Variants in SLCO5A1 observed in about 807,000 individuals in gnomAD.
SLCO5A1 encodes the protein solute carrier organic anion transporter family member 5A1.
Under a neutral mutation model 65.1 loss-of-function variants are expected in SLCO5A1, and 39 were observed. That is an observed-to-expected ratio of 0.60 (90% CI 0.46 to 0.78). The LOEUF (loss-of-function observed/expected upper bound fraction) is 0.78, where lower values mean the gene tolerates loss of function less well. Among genes scored for constraint, SLCO5A1 ranks in the 30% least tolerant of loss-of-function variants. The probability of loss-of-function intolerance (pLI) is 0.00; values close to 1 mark genes in which losing one functional copy is unlikely to be tolerated. For synonymous variants in SLCO5A1, 438 were observed against 415.7 expected, an observed-to-expected ratio of 1.05 and a Z score of -0.65; for missense variants, 1,029 against 1,069.4, an observed-to-expected ratio of 0.96 and a Z score of 0.53.
chr8:69,686,231 C>CAAAAAAAAAAAAAAAAAAAAA (rs3060023), intron 6 of SLCO5A1, among the ~76,000 whole-genome samples: 1 of 141,694 alleles, frequency 7.1e-6, no homozygotes. Context: ...CTTCACACAG[C>CAAAAAAAAAAAAAAAAAAAAA]AAAAAAAAGA....
At chr8:69,692,263 T>C (rs995317766) in intron 6 of SLCO5A1, among the ~76,000 whole-genome samples, 2 of 151,958 alleles carry the variant, frequency 1.3e-5, no homozygotes, top group Non-Finnish European at 2.9e-5. Flanking sequence ...AATAAAAAAG[T>C]ATAAAAAATA....
chr8:69,798,650 C>T (rs1002099357), intron 2 of SLCO5A1, among the ~76,000 whole-genome samples: 2 of 152,202 alleles, frequency 1.3e-5, no homozygotes, highest in African/African-American at 4.8e-5. Flanking sequence ...CAAGCTCCAC[C>T]TCCAACACTG....
At position 69,817,831 on chromosome 8, in the gene SLCO5A1, T is replaced by C. The variant is rs2130916947; in HGVS notation, c.907+13936A>G. The stretch of plus-strand genomic sequence containing the variant: ...CATTTGTCTGTCACCAAACTCCCAA[T>C]TCACTGCTAACATTTCTAGATTGTC... On this transcript the variant is annotated intron_variant, in intron 2 of 9. Transcript: ENST00000260126. Among the ~76,000 whole-genome samples the C allele has an allele frequency of 2.6e-5, 4 of 152,316 alleles. No individual in the cohort carries two copies. The South Asian group carries it at 8.3e-4, about 32-fold the overall frequency.
intron 7 of SLCO5A1, among the ~76,000 whole-genome samples, chr8:69,681,099 T>C (rs1232472971): frequency 6.6e-6 from 1 of 151,978 alleles, no homozygotes; most frequent in Non-Finnish European, 1.5e-5. Flanking sequence ...ACCAATTATA[T>C]AATGGGGAAC....
chr8:69,770,303 A>T (rs1818263165), intron 2 of SLCO5A1, among the ~76,000 whole-genome samples: 1 of 152,148 alleles, frequency 6.6e-6, no homozygotes, highest in Non-Finnish European at 1.5e-5. Flanking sequence ...GCTGCAAAGA[A>T]CCAGATCCCG....
At chr8:69,699,806 CA>C (rs1242849073) in intron 6 of SLCO5A1, among the ~76,000 whole-genome samples, 1 of 152,180 alleles carries the variant, frequency 6.6e-6, no homozygotes, top group Non-Finnish European at 1.5e-5. Context: ...TTCTGAAATC[CA>C]GCAAGAATTT....
intron 5 of SLCO5A1, among the ~76,000 whole-genome samples, chr8:69,716,771 C>T (rs1327066923): frequency 7.1e-6 from 1 of 141,254 alleles, no homozygotes; most frequent in African/African-American, 2.7e-5. Flanking sequence ...ATTCTGCAAG[C>T]TGTGTTTTTC....
In SLCO5A1 at chr8:69,819,957, C is replaced by T. The variant is rs151189570; in HGVS notation, c.907+11810G>A. Among the ~76,000 whole-genome samples the T allele has an allele frequency of 1.5e-3, 225 of 152,224 alleles. 1 individual carries two copies. Among genetic ancestry groups the T allele is most frequent in the Non-Finnish European group, 2.8e-3 (191 of 68,008 alleles). Reference sequence around the variant, plus strand: ...CAGCCTGGGTGGCAGAGCAAGACTCCATCTCAAAAACAAAACAAAACAAAA... The same window carrying T: ...CAGCCTGGGTGGCAGAGCAAGACTCTATCTCAAAAACAAAACAAAACAAAA... On this transcript the variant is annotated intron_variant, in intron 2 of 9. Coordinates refer to ENST00000260126, the MANE Select transcript of SLCO5A1 (RefSeq NM_030958.3).
chr8:69,682,048 A>G (rs891735647), intron 7 of SLCO5A1, 136 bp downstream of exon 7: 2 of 904,976 alleles, frequency 2.2e-6, no homozygotes, highest in African/African-American at 1.8e-5. Flanking sequence ...CTAGGTTTTC[A>G]TCAGAGGTAT....
At chr8:69,815,482 TA>T (rs1372300517) in intron 2 of SLCO5A1, among the ~76,000 whole-genome samples, 1 of 152,164 alleles carries the variant, frequency 6.6e-6, no homozygotes, top group African/African-American at 2.4e-5. Flanking sequence ...CTAGGTCTTA[TA>T]ACTCCTCATT....
chr8:69,787,864 T>A (rs144444849), intron 2 of SLCO5A1, among the ~76,000 whole-genome samples: 42 of 152,250 alleles, frequency 2.8e-4, no homozygotes, highest in African/African-American at 9.9e-4. Context: ...AACCTTGAGG[T>A]CAAAACTACT....
intron 5 of SLCO5A1, among the ~76,000 whole-genome samples, chr8:69,711,479 G>C (rs1356445811): frequency 2.6e-5 from 4 of 152,182 alleles, no homozygotes; most frequent in Non-Finnish European, 5.9e-5. Flanking sequence ...GGATACCCAA[G>C]GACACTTCCA....
At chr8:69,801,921 C>T (rs762588420) in intron 2 of SLCO5A1, among the ~76,000 whole-genome samples, 1 of 152,220 alleles carries the variant, frequency 6.6e-6, no homozygotes, top group Non-Finnish European at 1.5e-5. Context: ...CACCTCCAAA[C>T]TCTGTGTTCC....
At chr8:69,681,764 T>C (rs1813784715) in intron 7 of SLCO5A1, among the ~76,000 whole-genome samples, 1 of 152,124 alleles carries the variant, frequency 6.6e-6, no homozygotes. Context: ...CTATGAAAAA[T>C]GGCCATCACC....
chr8:69,755,558 C>A lies in SLCO5A1; in HGVS notation c.1124G>T (p.Arg375Leu). Reference protein sequence around the residue: ...MFTFPKKLPPRHKKKKKKKFS... With the variant: ...MFTFPKKLPPLHKKKKKKKFS... ...TTTTTTCTTTTTCTTTTTCTTGTGT[C>A]GAGGTGGAAGCTTTTTTGGGAAAGT... The change falls in exon 4 of 10, where the codon CGA becomes CTA. Residue 375 changes from arginine (R) to leucine (L), a missense_variant. Around this residue, in one of 3 missense-constraint regions of SLCO5A1, gnomAD observed 647 missense variants for 647.5 expected, o/e 1.00. Coordinates refer to ENST00000260126, the MANE Select transcript of SLCO5A1 (RefSeq NM_030958.3). The A allele has an allele frequency of 6.2e-7, 1 of 1,613,838 alleles. No homozygotes were observed.
At chr8:69,679,267 T>A (rs933935916) in intron 8 of SLCO5A1, 111 bp downstream of exon 8, 2 of 1,462,784 alleles carry the variant, frequency 1.4e-6, no homozygotes, top group African/African-American at 2.8e-5. Flanking sequence ...CTCCTGCACA[T>A]GCTAATTTTG....
At chr8:69,812,237 C>T (rs565348788) in intron 2 of SLCO5A1, among the ~76,000 whole-genome samples, 9 of 152,254 alleles carry the variant, frequency 5.9e-5, no homozygotes, top group East Asian at 1.9e-4. Flanking sequence ...ACAGTATATA[C>T]GGTATAGCAA....
chr8:69,691,318 T>C (rs1814250814), intron 6 of SLCO5A1, among the ~76,000 whole-genome samples: 1 of 152,250 alleles, frequency 6.6e-6, no homozygotes, highest in African/African-American at 2.4e-5. Flanking sequence ...TTTTTAAGTC[T>C]GAAGTTTCTG....
intron 6 of SLCO5A1, chr8:69,704,748 C>T (rs1814894506): frequency 5.4e-6 from 2 of 370,788 alleles, no homozygotes; most frequent in Non-Finnish European, 9.8e-6. Context: ...ATAATAAAAA[C>T]CAAACAATTT....
Sources: allele counts gnomAD v4.1 joint callset (sites outside exome capture counted in the v4.1 genomes callset), GRCh38; gene constraint gnomAD v4.1.1; regional missense constraint gnomAD v4.1.1; transcripts MANE v1.5; gene names NCBI Gene and HGNC (gene_info 2026-07-23, HGNC 2026-07-21).